TENM2: variants seen among roughly 807,000 people sequenced by gnomAD.
TENM2 encodes teneurin-2.
Under a neutral mutation model 245.2 loss-of-function variants are expected in TENM2, and 52 were observed. That is an observed-to-expected ratio of 0.21 (90% confidence interval 0.17 to 0.27). TENM2 has a LOEUF of 0.27. Among genes scored for constraint, TENM2 ranks in the 10% least tolerant of loss-of-function variants. TENM2 has a pLI of 1.00. For missense variants in TENM2, 3,046 were observed against 3,666.8 expected (o/e 0.83, Z 4.37); for synonymous variants, 1,363 against 1,438.9 (o/e 0.95, Z 1.19).
chr5:167,799,139 C>A (rs1354670290), intron 2 of TENM2, among the ~76,000 whole-genome samples: 1 of 152,214 alleles, frequency 6.6e-6, no homozygotes, highest in African/African-American at 2.4e-5. Flanking sequence ...CCTCCCTCTG[C>A]AGGGCTTATG....
chr5:168,208,745 A>G (rs1762565507), intron 19 of TENM2, among the ~76,000 whole-genome samples: 1 of 152,240 alleles, frequency 6.6e-6, no homozygotes, highest in Non-Finnish European at 1.5e-5. Context: ...CACTATTTTC[A>G]AAGTCTTTTT....
chr5:167,422,078 C>T (rs979570808), intron 2 of TENM2, among the ~76,000 whole-genome samples: 3 of 152,188 alleles, frequency 2.0e-5, no homozygotes, highest in Non-Finnish European at 4.4e-5. Flanking sequence ...GCGTGAGCCA[C>T]CATTCCCGGC....
chr5:167,005,950 G>A, the TENM2 span, among the ~76,000 whole-genome samples: 5 of 151,960 alleles, frequency 3.3e-5, no homozygotes, highest in African/African-American at 9.7e-5. Context: ...GTGAGCCACC[G>A]TGCCTGGTGC....
the TENM2 span, among the ~76,000 whole-genome samples, chr5:167,122,689 T>C: frequency 6.6e-6 from 1 of 152,210 alleles, no homozygotes; most frequent in Non-Finnish European, 1.5e-5. Flanking sequence ...GAGGTCAGCA[T>C]CGTAGCTAAT....
At chr5:167,871,920 T>C (rs1241117280) in intron 2 of TENM2, among the ~76,000 whole-genome samples, 2 of 152,138 alleles carry the variant, frequency 1.3e-5, no homozygotes, top group Non-Finnish European at 2.9e-5. Context: ...TCTGTACAGA[T>C]GGTCTCTGTC....
intron 2 of TENM2, among the ~76,000 whole-genome samples, chr5:167,863,039 A>G (rs1172843085): frequency 1.3e-5 from 2 of 152,204 alleles, no homozygotes; most frequent in Non-Finnish European, 2.9e-5. Context: ...GCTTAATTAG[A>G]GAGCTCTGAG....
chr5:168,252,365 CAA>C (rs35385737), intron 27 of TENM2, among the ~76,000 whole-genome samples: 199 of 115,264 alleles, frequency 1.7e-3, no homozygotes, highest in Non-Finnish European at 2.0e-3. Context: ...GACCCTGTCT[CAA>C]AAAAAAAAAA....
intron 2 of TENM2, among the ~76,000 whole-genome samples, chr5:167,801,136 ATATATATATATATATATG>A (rs1419995471): frequency 6.1e-4 from 64 of 105,550 alleles, no homozygotes; most frequent in Middle Eastern, 5.0e-3. Flanking sequence ...ATATATATAT[ATATATATATATATATATG>A]TATATATTCC....
chr5:167,062,503 G>GA, the TENM2 span, among the ~76,000 whole-genome samples: 219 of 149,700 alleles, frequency 1.5e-3, 4 homozygotes, highest in African/African-American at 5.0e-3. Flanking sequence ...AATACACATT[G>GA]AAAAAAAAAA....
chr5:168,148,199 G>C (rs1344333346), intron 12 of TENM2, among the ~76,000 whole-genome samples: 1 of 152,190 alleles, frequency 6.6e-6, no homozygotes, highest in East Asian at 1.9e-4. Flanking sequence ...AGCAGAAACA[G>C]ACTGCTGTTT....
intron 2 of TENM2, among the ~76,000 whole-genome samples, chr5:167,570,004 G>A (rs1774165775): frequency 6.6e-6 from 1 of 152,144 alleles, no homozygotes; most frequent in Non-Finnish European, 1.5e-5. Flanking sequence ...TATACTTGTG[G>A]AGGACATGTA....
At chr5:167,015,104 A>G in the TENM2 span, among the ~76,000 whole-genome samples, 4 of 152,202 alleles carry the variant, frequency 2.6e-5, no homozygotes, top group African/African-American at 9.7e-5. Context: ...AGCACATACT[A>G]GGCTCTCAAT....
At chr5:168,016,777 C>A (rs1785694356) in intron 5 of TENM2, among the ~76,000 whole-genome samples, 1 of 152,196 alleles carries the variant, frequency 6.6e-6, no homozygotes, top group Non-Finnish European at 1.5e-5. Flanking sequence ...TTACTGACTG[C>A]ATGACTCTGA....
At chr5:167,459,949 CA>C (rs761952376) in intron 2 of TENM2, among the ~76,000 whole-genome samples, 1 of 150,804 alleles carries the variant, frequency 6.6e-6, no homozygotes, top group Non-Finnish European at 1.5e-5. Context: ...CACACACACA[CA>C]ACACACACTC....
intron 7 of TENM2, among the ~76,000 whole-genome samples, chr5:168,072,284 T>G (rs1791078467): frequency 6.6e-6 from 1 of 152,196 alleles, no homozygotes; most frequent in African/African-American, 2.4e-5. Flanking sequence ...TGGAATAGCC[T>G]TGAAATGCTC....
the TENM2 span, among the ~76,000 whole-genome samples, chr5:167,098,535 G>T: frequency 3.9e-5 from 6 of 152,072 alleles, no homozygotes; most frequent in African/African-American, 1.4e-4. Context: ...CTCTTGCAGC[G>T]CTTGTCATTC....
At chr5:168,036,560 T>C (rs1305340938) in intron 5 of TENM2, among the ~76,000 whole-genome samples, 3 of 150,298 alleles carry the variant, frequency 2.0e-5, no homozygotes, top group Admixed American at 6.6e-5. Flanking sequence ...CGCTTGAACA[T>C]GGGAGGTGGA....
chr5:167,451,129 T>C (rs1041947794), intron 2 of TENM2, among the ~76,000 whole-genome samples: 6 of 152,218 alleles, frequency 3.9e-5, no homozygotes, highest in Non-Finnish European at 7.3e-5. Flanking sequence ...CAGAAGTATT[T>C]ATCTGCACAC....
chr5:167,449,559 GATAGATAGATAA>G (rs780477075), intron 2 of TENM2, among the ~76,000 whole-genome samples: 24 of 122,880 alleles, frequency 2.0e-4, no homozygotes, highest in African/African-American at 5.3e-4. Context: ...TAGATAGATA[GATAGATAGATAA>G]AGACAGTTTT....
Sources: gnomAD v4.1 joint callset for allele counts (sites outside exome capture counted in the v4.1 genomes callset) on GRCh38, gnomAD v4.1.1 for gene constraint, MANE v1.5 for transcripts, NCBI Gene and HGNC (gene_info 2026-07-23, HGNC 2026-07-21) for gene names.